Variants in PIK3CG observed in about 807,000 individuals in gnomAD.
PIK3CG encodes the protein phosphatidylinositol 4,5-bisphosphate 3-kinase catalytic subunit gamma isoform.
Under a neutral mutation model 102.3 loss-of-function variants are expected in PIK3CG, and 55 were observed. That is an observed-to-expected ratio of 0.54 (90% CI 0.43 to 0.67). The LOEUF (loss-of-function observed/expected upper bound fraction) is 0.67. Among genes scored for constraint, PIK3CG ranks in the 30% least tolerant of loss-of-function variants. The probability of loss-of-function intolerance (pLI) is 0.00; values close to 1 mark genes in which losing one functional copy is unlikely to be tolerated. For missense variants in PIK3CG, 1,258 were observed against 1,391.8 expected (o/e 0.90, Z 1.53); for synonymous variants, 552 against 540.0 (o/e 1.02, Z -0.31).
Position 106,872,257 on chromosome 7 carries a change from T to G in PIK3CG, c.1996-280T>G, listed in dbSNP as rs1313701733. The stretch of plus-strand genomic sequence containing the variant: ...TAATTAGAGCAAATTCCCTCACCTC[T>G]TCACCTTTGAATTTATCAGCAGCAC... On this transcript the variant is annotated intron_variant, in intron 2 of 10. Coordinates refer to ENST00000496166, the MANE Select transcript of PIK3CG (RefSeq NM_001282426.2). The surrounding 1 kb of genome is among the most constrained non-coding windows in gnomAD (Gnocchi z 5.3). Among the ~76,000 whole-genome samples the G allele has an allele frequency of 6.6e-6, 1 of 152,184 alleles. No homozygotes were observed. The highest frequency in any genetic ancestry group is 2.4e-5 in the African/African-American group (1 of 41,436).
Position 106,897,495 on chromosome 7 carries a change from C to T in PIK3CG, c.3031-7614C>T, listed in dbSNP as rs568292219. ...CGTCACCCAGGCATTAAGCCCAGTA[C>T]CCAATAGTTATCTTTTTTGCTCCTC... is the stretch of plus-strand genomic sequence containing the variant. On this transcript the variant is annotated intron_variant, in intron 10 of 10. Coordinates refer to ENST00000496166, the MANE Select transcript of PIK3CG (RefSeq NM_001282426.2). This position sits in a 1 kb window ranked among gnomAD's most constrained non-coding sequence, Gnocchi z 4.6. 1.4e-4 allele frequency among the ~76,000 whole-genome samples: 22 copies of T among 152,160 alleles called. No homozygotes were observed. The South Asian group carries it at 3.7e-3, about 26-fold the overall frequency.
In PIK3CG at chr7:106,872,849, C is replaced by T. The variant is rs148158603; in HGVS notation, c.2198C>T (p.Thr733Ile). The change falls in exon 4 of 11, where the codon ACC becomes ATC. Residue 733 changes from threonine to isoleucine, a missense_variant. By Grantham distance (89) the Thr-to-Ile change is moderately conservative. This residue lies in a region of PIK3CG where 426 missense variants were observed against 604.2 expected (regional missense o/e 0.71). Transcript: ENST00000496166. This position sits in a 1 kb window ranked among gnomAD's most constrained non-coding sequence, Gnocchi z 5.3. ...GGCACAGCCATGCTGCACGACTTTA[C>T]CCAACAAGTCCAAGTAATCGAGATG... ...GCGTAMLHDF[T>I]QQVQVIEMLQ... is the part of the protein sequence containing the mutation. 6.2e-7 allele frequency: 1 copy of T among 1,614,140 alleles called. No individual in the cohort carries two copies. The highest frequency in any genetic ancestry group is 8.5e-7 in the Non-Finnish European group (1 of 1,179,988).
rs749993741 is a variant in PIK3CG, at chr7:106,869,212, C to T, written c.1651C>T (p.Leu551Phe). ...DRVRAEMPNQLRKQLEAIIAT... is the reference protein window; with the variant it reads ...DRVRAEMPNQFRKQLEAIIAT... ...GGTTCGAGCAGAAATGCCCAACCAG[C>T]TTCGCAAGCAATTGGAGGCGATCAT... Residue 551 changes from leucine to phenylalanine, a missense_variant, in exon 2 of 11, where the codon CTT becomes TTT. Transcript: ENST00000496166. This position sits in a 1 kb window ranked among gnomAD's most constrained non-coding sequence, Gnocchi z 5.3. 1 of 1,614,226 alleles carries T rather than the reference C, an allele frequency of 6.2e-7. No individual in the cohort carries two copies. The highest frequency in any genetic ancestry group is 1.1e-5 in the South Asian group (1 of 91,086).
At position 106,876,185 on chromosome 7, in the gene PIK3CG, A is replaced by G. The variant is rs1220028606; in HGVS notation, c.2391+1382A>G. ...CGCCTCGGCCTCCCAAAGTGCTGGG[A>G]TTACAGGCGTGAGCCACCGCGCCCG... On this transcript the variant is annotated intron_variant, in intron 5 of 10. Coordinates refer to ENST00000496166, the MANE Select transcript of PIK3CG (RefSeq NM_001282426.2). 2.6e-5 allele frequency among the ~76,000 whole-genome samples: 4 copies of G among 151,980 alleles called. No individual in the cohort carries two copies. The South Asian group carries it at 8.3e-4, about 32-fold the overall frequency.
Position 106,895,864 on chromosome 7 carries a change from T to C in PIK3CG, c.3031-9245T>C, listed in dbSNP as rs550532596. Among the ~76,000 whole-genome samples the C allele has an allele frequency of 1.3e-5, 2 of 152,318 alleles. No individual in the cohort carries two copies. On this transcript the variant is annotated intron_variant, in intron 10 of 10. Coordinates refer to ENST00000496166, the MANE Select transcript of PIK3CG (RefSeq NM_001282426.2). This position sits in a 1 kb window ranked among gnomAD's most constrained non-coding sequence, Gnocchi z 5.4. ...TCTCCAGTGATATATAGTTTACCAG[T>C]AATAAAGCCAAAATTAGAATTCATT...
chr7:106,875,596 A>T (rs141201000), intron 5 of PIK3CG, among the ~76,000 whole-genome samples: 2 of 152,296 alleles, frequency 1.3e-5, no homozygotes, highest in African/African-American at 2.4e-5. Context: ...TATAGTATAT[A>T]GTTTTATATC....
chr7:106,892,653 G>T lies in PIK3CG; in HGVS notation c.3030+6361G>T, dbSNP rs1330506712. Among the ~76,000 whole-genome samples, 1 of 152,198 alleles carries T rather than the reference G, an allele frequency of 6.6e-6. No homozygotes were observed. The highest frequency in any genetic ancestry group is 6.5e-5 in the Admixed American group (1 of 15,272). ...CAATAGAGCATGGCCCCAGAACATG[G>T]CAAGAAAGCTACTTACACAACTTTG... On this transcript the variant is annotated intron_variant, in intron 10 of 10. Coordinates refer to ENST00000496166, the MANE Select transcript of PIK3CG (RefSeq NM_001282426.2). The surrounding 1 kb of genome is among the most constrained non-coding windows in gnomAD (Gnocchi z 5.2).
chr7:106,900,022 C>G (rs1418453701), intron 10 of PIK3CG, among the ~76,000 whole-genome samples: 1 of 151,862 alleles, frequency 6.6e-6, no homozygotes, highest in African/African-American at 2.4e-5. Context: ...ATTACTGATT[C>G]AATTTTGGAG....
chr7:106,891,953 T>C lies in PIK3CG; in HGVS notation c.3030+5661T>C, dbSNP rs849404. On this transcript the variant is annotated intron_variant, in intron 10 of 10. Coordinates refer to ENST00000496166, the MANE Select transcript of PIK3CG (RefSeq NM_001282426.2). This position sits in a 1 kb window ranked among gnomAD's most constrained non-coding sequence, Gnocchi z 4.4. ...GCAGGGTCCTGACTCAGGAGGTTTT[T>C]AAGAACCTTTATTCAACCAGAGTCC... Among the ~76,000 whole-genome samples the C allele has an allele frequency of 0.13, 19,536 of 151,882 alleles. 1,489 individuals are homozygous for C. Among genetic ancestry groups the C allele is most frequent in the African/African-American group, 0.22 (8,904 of 41,346 alleles).
rs556706419 is a variant in PIK3CG, at chr7:106,875,970, A to G, written c.2391+1167A>G. On this transcript the variant is annotated intron_variant, in intron 5 of 10. Coordinates refer to ENST00000496166, the MANE Select transcript of PIK3CG (RefSeq NM_001282426.2). ...TTGCCCAGGCCGGACTGCGGACTGCAGTGGCGCAATCTCGGCTCACTGCAA... is the reference window on the plus strand; with the variant it reads ...TTGCCCAGGCCGGACTGCGGACTGCGGTGGCGCAATCTCGGCTCACTGCAA... Among the ~76,000 whole-genome samples, 488 of 138,464 alleles carry G rather than the reference A, an allele frequency of 3.5e-3. 1 individual carries two copies. Among genetic ancestry groups the G allele is most frequent in the Non-Finnish European group, 4.9e-3 (325 of 65,990 alleles). The allele number at this position is 138,464 out of a possible 152,430, so 90.8% of individuals were successfully genotyped here.
rs140864387 is a variant in PIK3CG at position 106,869,330 on chromosome 7, C to A, written c.1769C>A (p.Pro590His). ...AGCCTTAAGCACCCAAAAGCATATC[C>A]TAAGCTATTTAGTTCAGTGAAATGG... ...YESLKHPKAY[P>H]KLFSSVKWGQ... The change falls in exon 2 of 11, where the codon CCT becomes CAT. Residue 590 changes from proline to histidine, a missense_variant. Pro to His is a moderately conservative substitution (Grantham distance 77). Around this residue, in one of 2 missense-constraint regions of PIK3CG, gnomAD observed 832 missense variants for 787.5 expected, o/e 1.06. Coordinates refer to ENST00000496166, the MANE Select transcript of PIK3CG (RefSeq NM_001282426.2). The surrounding 1 kb of genome is among the most constrained non-coding windows in gnomAD (Gnocchi z 5.3). 6.2e-7 allele frequency: 1 copy of A among 1,614,086 alleles called. No homozygotes were observed. The highest frequency in any genetic ancestry group is 8.5e-7 in the Non-Finnish European group (1 of 1,180,042).
In PIK3CG at chr7:106,865,619, T is replaced by C. The variant is rs191495994; in HGVS notation, c.-13+193T>C. 3 of 152,384 alleles carry C rather than the reference T, an allele frequency of 2.0e-5. No individual in the cohort carries two copies. In the East Asian group the frequency reaches 5.8e-4, roughly 29 times the overall value. The allele number at this position is 152,384 out of a possible 1,614,324, so 9.4% of individuals were successfully genotyped here. ...TTCCGGCAATAGTTTTGCAGGTGCA[T>C]CACATTTTTGTTTTTGTTTTGGGAG... On this transcript the variant is annotated intron_variant, in intron 1 of 10. Coordinates refer to ENST00000496166, the MANE Select transcript of PIK3CG (RefSeq NM_001282426.2).
At position 106,897,026 on chromosome 7, in the gene PIK3CG, GTGT is replaced by G. The variant is rs756232660; in HGVS notation, c.3031-8081_3031-8079del. Reference sequence around the variant, plus strand: ...ATTCTTTTTTCTATATAAATATTTTGTGTTAATTTACCAAAATGGGATGCATTG... The same window carrying G: ...ATTCTTTTTTCTATATAAATATTTTGTAATTTACCAAAATGGGATGCATTG... On this transcript the variant is annotated intron_variant, in intron 10 of 10. Transcript: ENST00000496166. The surrounding 1 kb of genome is among the most constrained non-coding windows in gnomAD (Gnocchi z 4.6). Among the ~76,000 whole-genome samples the G allele has an allele frequency of 1.3e-5, 2 of 152,040 alleles. No homozygotes were observed. Among genetic ancestry groups the G allele is most frequent in the African/African-American group, 2.4e-5 (1 of 41,378 alleles).
rs756658122 is a variant in PIK3CG, at chr7:106,897,404, G to C, written c.3031-7705G>C. On this transcript the variant is annotated intron_variant, in intron 10 of 10. Coordinates refer to ENST00000496166, the MANE Select transcript of PIK3CG (RefSeq NM_001282426.2). The surrounding 1 kb of genome is among the most constrained non-coding windows in gnomAD (Gnocchi z 4.6). ...CACCCTTTCTTTTATTTTTGGCTGG[G>C]GGTACATGTGAAAGTTTGTTACATA... is the stretch of plus-strand genomic sequence containing the variant. 5.9e-5 allele frequency among the ~76,000 whole-genome samples: 9 copies of C among 152,082 alleles called. No individual in the cohort carries two copies. Among genetic ancestry groups the C allele is most frequent in the Non-Finnish European group, 1.3e-4 (9 of 68,004 alleles).
intron 5 of PIK3CG, among the ~76,000 whole-genome samples, chr7:106,876,299 G>T (rs956675745): frequency 6.6e-6 from 1 of 152,034 alleles, no homozygotes; most frequent in Non-Finnish European, 1.5e-5. Flanking sequence ...CCATAATAAG[G>T]TTGAGTGTCT....
At position 106,867,546 on chromosome 7, in the gene PIK3CG, C is replaced by G. The variant is rs202100659; in HGVS notation, c.-12-4C>G. On this transcript the variant is annotated splice_region_variant and splice_polypyrimidine_tract_variant and intron_variant, in intron 1 of 10. Coordinates refer to ENST00000496166, the MANE Select transcript of PIK3CG (RefSeq NM_001282426.2). The surrounding 1 kb of genome is among the most constrained non-coding windows in gnomAD (Gnocchi z 5.1). ...GACAAATCCCTGTGTCCCTCCGCTC[C>G]CAGGTCGCATAGGGCATGGAGCTGG... is the stretch of plus-strand genomic sequence containing the variant. 6.5e-7 allele frequency: 1 copy of G among 1,531,968 alleles called. No homozygotes were observed. The highest frequency in any genetic ancestry group is 1.3e-5 in the South Asian group (1 of 78,928). The allele number at this position is 1,531,968 out of a possible 1,614,324, so 94.9% of individuals were successfully genotyped here. A position where few individuals can be genotyped will look rare whatever the true frequency, so the allele number is the denominator to read the frequency against.
At chr7:106,900,681 G>T (rs1791524993) in intron 10 of PIK3CG, among the ~76,000 whole-genome samples, 1 of 152,176 alleles carries the variant, frequency 6.6e-6, no homozygotes, top group Non-Finnish European at 1.5e-5. Context: ...GTGTGGTTTT[G>T]TATTAGCTGA....
chr7:106,875,324 C>T (rs1246343441), intron 5 of PIK3CG, among the ~76,000 whole-genome samples: 1 of 147,078 alleles, frequency 6.8e-6, no homozygotes, highest in East Asian at 2.0e-4. Context: ...CACGCCACTA[C>T]ACTCCAGCCT....
chr7:106,894,299 A>T lies in PIK3CG; in HGVS notation c.3030+8007A>T, dbSNP rs894976130. Among the ~76,000 whole-genome samples, 4 of 152,128 alleles carry T rather than the reference A, an allele frequency of 2.6e-5. No homozygotes were observed. The highest frequency in any genetic ancestry group is 4.4e-5 in the Non-Finnish European group (3 of 68,024). On this transcript the variant is annotated intron_variant, in intron 10 of 10. Transcript: ENST00000496166. The surrounding 1 kb of genome is among the most constrained non-coding windows in gnomAD (Gnocchi z 4.4). The stretch of plus-strand genomic sequence containing the variant: ...ACCCCTACGTGCACGCTATCAGAAT[A>T]TTGACTAAAGTAGAATAGCTTATTG...
Sources: allele counts gnomAD v4.1 joint callset (sites outside exome capture counted in the v4.1 genomes callset), GRCh38; gene constraint gnomAD v4.1.1; regional missense constraint gnomAD v4.1.1; non-coding constraint Gnocchi (gnomAD v3.1); transcripts MANE v1.5; gene names NCBI Gene and HGNC (gene_info 2026-07-23, HGNC 2026-07-21).